DLGAP1: variants seen among roughly 807,000 people sequenced by gnomAD.
DLGAP1 encodes DLG associated protein 1.
A neutral mutation model predicts 90.8 loss-of-function variants in DLGAP1; 11 were observed. The ratio of observed to expected loss-of-function variants is 0.12; its 90% CI spans 0.08 to 0.20. DLGAP1 has a LOEUF of 0.20. DLGAP1 is among the 10% of genes least tolerant of loss of function. The pLI is 1.00. For synonymous variants in DLGAP1, 558 were observed against 540.7 expected (o/e 1.03, Z -0.44); for missense variants, 1,050 against 1,333.8 (o/e 0.79, Z 3.31).
chr18:3,496,804 G>C lies in DLGAP1; in HGVS notation c.*2381C>G, dbSNP rs915536852. The C allele has an allele frequency of 1.3e-5, 2 of 152,100 alleles. No individual in the cohort carries two copies. The highest frequency in any genetic ancestry group is 6.5e-5 in the Admixed American group (1 of 15,274). The allele number at this position is 152,100 out of a possible 1,614,324, so 9.4% of individuals were successfully genotyped here. A position where few individuals can be genotyped will look rare whatever the true frequency, so the allele number is the denominator to read the frequency against. On this transcript the variant is annotated 3_prime_UTR_variant, in exon 13 of 13. Coordinates refer to ENST00000315677, the MANE Select transcript of DLGAP1 (RefSeq NM_004746.4). Reference sequence around the variant, plus strand: ...ACCAATAATTAGCTTTTTATAAAGTGTTTGTACAATTTAAATTGTATTTTC... The same window carrying C: ...ACCAATAATTAGCTTTTTATAAAGTCTTTGTACAATTTAAATTGTATTTTC...
intron 7 of DLGAP1, chr18:3,607,072 A>C (rs995807821): frequency 1.3e-5 from 2 of 152,242 alleles, no homozygotes; most frequent in African/African-American, 4.8e-5. Flanking sequence ...CAGGTGATTG[A>C]TCCACCTGCC....
At chr18:3,772,293 TTTTC>T (rs578141301) in intron 5 of DLGAP1, among the ~76,000 whole-genome samples, 13 of 141,636 alleles carry the variant, frequency 9.2e-5, no homozygotes, top group East Asian at 4.1e-4. Flanking sequence ...CCTTTTCTCC[TTTTC>T]TTTCTTTCTC....
chr18:3,984,819 T>C (rs539744137), intron 3 of DLGAP1, among the ~76,000 whole-genome samples: 14 of 152,120 alleles, frequency 9.2e-5, no homozygotes, highest in African/African-American at 3.4e-4. Flanking sequence ...TCTCGGTGTT[T>C]GGGTCTTTAT....
chr18:3,582,443 A>T (rs2055575884), intron 7 of DLGAP1, among the ~76,000 whole-genome samples, 195 bp from the exon 8 acceptor site: 1 of 152,156 alleles, frequency 6.6e-6, no homozygotes, highest in Non-Finnish European at 1.5e-5. Flanking sequence ...ACACCTCCAC[A>T]AAACTGAGGG....
intron 3 of DLGAP1, among the ~76,000 whole-genome samples, chr18:3,979,874 G>T (rs767664231): frequency 2.0e-5 from 3 of 152,136 alleles, no homozygotes; most frequent in African/African-American, 7.2e-5. Flanking sequence ...GGTGGCTCAC[G>T]CCTGTAATCC....
intron 4 of DLGAP1, among the ~76,000 whole-genome samples, chr18:3,870,690 T>C (rs2070699168): frequency 6.6e-6 from 1 of 152,264 alleles, no homozygotes; most frequent in East Asian, 1.9e-4. Context: ...GTAACAGCTA[T>C]GTTAATTTTT....
At chr18:3,967,550 G>A (rs185904882) in intron 3 of DLGAP1, among the ~76,000 whole-genome samples, 2 of 152,114 alleles carry the variant, frequency 1.3e-5, no homozygotes, top group Admixed American at 1.3e-4. Context: ...GACTGATGCC[G>A]GCTGAAATTT....
intron 3 of DLGAP1, among the ~76,000 whole-genome samples, chr18:3,950,842 T>G (rs567549501): frequency 6.6e-6 from 1 of 152,330 alleles, no homozygotes; most frequent in African/African-American, 2.4e-5. Context: ...ACAATAAAAC[T>G]GAAAGAGAAT....
At chr18:3,950,965 T>C (rs1223292701) in intron 3 of DLGAP1, among the ~76,000 whole-genome samples, 1 of 152,188 alleles carries the variant, frequency 6.6e-6, no homozygotes, top group Non-Finnish European at 1.5e-5. Flanking sequence ...AGTCCAAACC[T>C]GAGAGAACAG....
chr18:4,340,734 G>T (rs890265250), intron 1 of DLGAP1, among the ~76,000 whole-genome samples: 15 of 152,104 alleles, frequency 9.9e-5, no homozygotes, highest in South Asian at 2.1e-4. Flanking sequence ...CTCACAAACA[G>T]ATTTAGTTTT....
intron 3 of DLGAP1, among the ~76,000 whole-genome samples, chr18:3,981,379 C>T (rs1037859251): frequency 3.9e-5 from 6 of 152,226 alleles, no homozygotes; most frequent in Non-Finnish European, 8.8e-5. Flanking sequence ...TTGAGGCTTC[C>T]GTCCTCATCC....
chr18:4,030,142 G>GCC (rs2074772052), intron 2 of DLGAP1, among the ~76,000 whole-genome samples: 1 of 152,072 alleles, frequency 6.6e-6, no homozygotes, highest in African/African-American at 2.4e-5. Context: ...ACAGGCATGT[G>GCC]CAACCATGCC....
chr18:4,046,355 G>C (rs976087228), intron 2 of DLGAP1, among the ~76,000 whole-genome samples: 1 of 152,198 alleles, frequency 6.6e-6, no homozygotes, highest in Non-Finnish European at 1.5e-5. Flanking sequence ...AGGATCATTT[G>C]GGGTGAGTAT....
At chr18:4,282,330 T>C (rs899946812) in intron 1 of DLGAP1, among the ~76,000 whole-genome samples, 7 of 148,126 alleles carry the variant, frequency 4.7e-5, no homozygotes, top group African/African-American at 1.0e-4. Context: ...TGCCACTGCA[T>C]TCCAACCTGG....
chr18:4,382,894 A>C (rs1167609680), intron 1 of DLGAP1, among the ~76,000 whole-genome samples: 1 of 152,176 alleles, frequency 6.6e-6, no homozygotes, highest in Non-Finnish European at 1.5e-5. Flanking sequence ...GCAGTTCAGC[A>C]ACATAGGTTA....
chr18:4,228,019 T>A (rs1119393), intron 1 of DLGAP1, among the ~76,000 whole-genome samples: 73,342 of 151,326 alleles, frequency 0.48, 18,455 homozygotes, highest in East Asian at 0.65. Context: ...AAAAGGAGAC[T>A]TTCAACCCAA....
intron 10 of DLGAP1, among the ~76,000 whole-genome samples, chr18:3,523,670 A>C (rs1011329229): frequency 1.3e-5 from 2 of 151,972 alleles, no homozygotes; most frequent in Non-Finnish European, 2.9e-5. Flanking sequence ...ACACGGTGAA[A>C]CCCCGTCTCT....
intron 1 of DLGAP1, among the ~76,000 whole-genome samples, chr18:4,445,392 A>C (rs906908195): frequency 6.0e-5 from 9 of 150,550 alleles, no homozygotes; most frequent in African/African-American, 2.2e-4. Context: ...GGTGCGCTGC[A>C]CCCACTAACT....
At chr18:4,087,086 T>TATATATACACATATATAC (rs2075696270) in intron 2 of DLGAP1, among the ~76,000 whole-genome samples, 4 of 83,624 alleles carry the variant, frequency 4.8e-5, no homozygotes, top group African/African-American at 1.9e-4. Flanking sequence ...TACATATATG[T>TATATATACACATATATAC]ATATATGTAT....
Sources: gnomAD v4.1 joint callset for allele counts (sites outside exome capture counted in the v4.1 genomes callset) on GRCh38, gnomAD v4.1.1 for gene constraint, MANE v1.5 for transcripts, NCBI Gene and HGNC (gene_info 2026-07-23, HGNC 2026-07-21) for gene names.